Variants in DHX9 observed in about 807,000 individuals in gnomAD.
DHX9 encodes ATP-dependent RNA helicase A.
DHX9 carries 27 observed loss-of-function variants against 148.7 expected under a neutral mutation model. That is an observed-to-expected ratio of 0.18 (90% CI 0.13 to 0.25). The LOEUF is 0.25. Ranked by LOEUF, DHX9 falls within the 10% of genes least tolerant of loss-of-function variation. The pLI is 1.00. For missense variants in DHX9, 796 were observed against 1,559.6 expected (o/e 0.51, Z 8.25); for synonymous variants, 529 against 516.6 (o/e 1.02, Z -0.33).
At chr1:182,841,946 TTATTA>T (rs1390125931) in intron 1 of DHX9, among the ~76,000 whole-genome samples, 1 of 152,232 alleles carries the variant, frequency 6.6e-6, no homozygotes, top group African/African-American at 2.4e-5. Flanking sequence ...TATTTGAACT[TTATTA>T]TATTATTAAT....
At chr1:182,876,971 G>C (rs2102616370) in intron 19 of DHX9, 68 bp downstream of exon 19, 1 of 1,158,654 alleles carries the variant, frequency 8.6e-7, no homozygotes, top group Non-Finnish European at 1.3e-6. Context: ...CCAGTTAACA[G>C]AATCAAAAAC....
chr1:182,880,600 T>C lies in DHX9; in HGVS notation c.2616T>C (p.Cys872=), dbSNP rs751995666. ...PRFGKMMIMG[C]IFYVGDAICT... ...TTGGCAAAATGATGATAATGGGGTG[T>C]ATTTTCTAGTAAGTGCTTTGTTTTA... is the stretch of plus-strand genomic sequence containing the variant. The change falls in exon 22 of 28, where the codon TGT becomes TGC. Residue 872 remains cysteine (C), a synonymous_variant. Coordinates refer to ENST00000367549, the MANE Select transcript of DHX9 (RefSeq NM_001357.5). The C allele has an allele frequency of 2.3e-5, 37 of 1,601,324 alleles. No homozygotes were observed. The highest frequency in any genetic ancestry group is 3.1e-5 in the Non-Finnish European group (36 of 1,168,850).
At chr1:182,866,717 C>T (rs1419878890) in intron 13 of DHX9, 132 bp downstream of exon 13, 1 of 1,161,358 alleles carries the variant, frequency 8.6e-7, no homozygotes, top group Non-Finnish European at 1.2e-6. Flanking sequence ...AAACTTTTGG[C>T]AGTTTTTTCC....
At chr1:182,879,142 G>A in intron 20 of DHX9, 108 bp from the exon 21 acceptor site, 2 of 867,100 alleles carry the variant, frequency 2.3e-6, no homozygotes, top group East Asian at 5.5e-5. Flanking sequence ...TAAAATAAAA[G>A]GATGAGGAAA....
At position 182,876,435 on chromosome 1, in the gene DHX9, A is replaced by G. The variant is rs1309575610; in HGVS notation, c.2030-12A>G. On this transcript the variant is annotated splice_polypyrimidine_tract_variant and intron_variant, in intron 17 of 27. Transcript: ENST00000367549. ...TGTTTTTAGTCCCTGATTGTTCTTT[A>G]TTGTTATATAGGAAGCCATCGGTAT... The G allele has an allele frequency of 1.2e-6, 2 of 1,610,448 alleles. No homozygotes were observed. The highest frequency in any genetic ancestry group is 1.7e-6 in the Non-Finnish European group (2 of 1,177,088).
intron 1 of DHX9, among the ~76,000 whole-genome samples, chr1:182,841,098 T>C (rs1667918797): frequency 6.6e-6 from 1 of 152,230 alleles, no homozygotes; most frequent in South Asian, 2.1e-4. Flanking sequence ...AAGACCATCC[T>C]GGCCAACACG....
At chr1:182,854,696 C>T (rs1012675977) in intron 6 of DHX9, among the ~76,000 whole-genome samples, 29 of 152,076 alleles carry the variant, frequency 1.9e-4, no homozygotes, top group Non-Finnish European at 4.1e-4. Context: ...ATCGTAAGGT[C>T]GAAAAGGAAC....
Position 182,887,070 on chromosome 1 carries a change from G to A in DHX9, c.3462-13G>A. The A allele has an allele frequency of 1.2e-6, 2 of 1,608,402 alleles. No individual in the cohort carries two copies. Among genetic ancestry groups the A allele is most frequent in the Non-Finnish European group, 8.5e-7 (1 of 1,175,070 alleles). Reference sequence around the variant, plus strand: ...AATGCTTTGCTAAAGTGATGGTTTTGTGCTTTTCCTAGGTATGGAGATGGT... The same window carrying A: ...AATGCTTTGCTAAAGTGATGGTTTTATGCTTTTCCTAGGTATGGAGATGGT... On this transcript the variant is annotated splice_polypyrimidine_tract_variant and intron_variant, in intron 27 of 27. Transcript: ENST00000367549.
At chr1:182,851,766 C>G (rs1426455141) in intron 3 of DHX9, among the ~76,000 whole-genome samples, 1 of 152,052 alleles carries the variant, frequency 6.6e-6, no homozygotes, top group Non-Finnish European at 1.5e-5. Context: ...TACTAATGAT[C>G]TTATAAGAGA....
chr1:182,846,315 G>A (rs917040577), intron 3 of DHX9, among the ~76,000 whole-genome samples: 1 of 150,018 alleles, frequency 6.7e-6, no homozygotes, highest in African/African-American at 2.5e-5. Flanking sequence ...TCGGCTCACC[G>A]CCACCTTTGC....
At chr1:182,840,159 C>G (rs943785679) in intron 1 of DHX9, among the ~76,000 whole-genome samples, 1 of 152,076 alleles carries the variant, frequency 6.6e-6, no homozygotes, top group Non-Finnish European at 1.5e-5. Flanking sequence ...GACAATATTT[C>G]ACTAGCCCGG....
intron 3 of DHX9, among the ~76,000 whole-genome samples, chr1:182,846,768 T>G (rs778998323): frequency 6.6e-6 from 1 of 152,186 alleles, no homozygotes; most frequent in African/African-American, 2.4e-5. Context: ...ATCCATAGAT[T>G]TATGTATTTC....
chr1:182,851,711 C>T (rs1160611357), intron 3 of DHX9, among the ~76,000 whole-genome samples: 2 of 152,086 alleles, frequency 1.3e-5, no homozygotes, highest in African/African-American at 2.4e-5. Flanking sequence ...TATGTAACAG[C>T]ACATCTGAGG....
chr1:182,850,477 C>G (rs995323068), intron 3 of DHX9, among the ~76,000 whole-genome samples: 1 of 151,824 alleles, frequency 6.6e-6, no homozygotes. Context: ...TGCCCGTAGT[C>G]CCATCTACTC....
intron 19 of DHX9, 103 bp from the exon 20 acceptor site, chr1:182,877,918 A>G (rs1648889036): frequency 2.0e-5 from 26 of 1,283,556 alleles, no homozygotes; most frequent in Non-Finnish European, 2.5e-5. Flanking sequence ...ACAAGTAGGT[A>G]TGGCTTTAAC....
chr1:182,860,007 A>T lies in DHX9; in HGVS notation c.1155A>T (p.Arg385Ser). 5 of 1,611,528 alleles carry T rather than the reference A, an allele frequency of 3.1e-6. No homozygotes were observed. The highest frequency in any genetic ancestry group is 3.4e-6 in the Non-Finnish European group (4 of 1,178,824). Residue 385 changes from arginine (R) to serine (S), a missense_variant, in exon 12 of 28, where the codon AGA (arginine) becomes AGT (serine). By Grantham distance (110) the Arg-to-Ser change is moderately radical. Transcript: ENST00000367549. ...DHDLQAILQE[R>S]ELLPVKKFES... Reference sequence around the variant, plus strand: ...TTCTAATGCAGATCTTGCAGGAGAGAGAGTTACTGCCTGTGAAGAAATTTG... The same window carrying T: ...TTCTAATGCAGATCTTGCAGGAGAGTGAGTTACTGCCTGTGAAGAAATTTG...
chr1:182,851,675 C>T (rs756725064), intron 3 of DHX9, among the ~76,000 whole-genome samples: 18 of 152,120 alleles, frequency 1.2e-4, no homozygotes, highest in Non-Finnish European at 2.4e-4. Flanking sequence ...TCAGAATTTT[C>T]CTTAGTTTAG....
At chr1:182,845,904 AGGAAC>A (rs1179542876) in intron 3 of DHX9, among the ~76,000 whole-genome samples, 4 of 152,212 alleles carry the variant, frequency 2.6e-5, no homozygotes, top group African/African-American at 9.6e-5. Flanking sequence ...ACCATTCTTC[AGGAAC>A]CTCCACCTGT....
intron 3 of DHX9, among the ~76,000 whole-genome samples, chr1:182,849,981 T>TAC (rs1668103876): frequency 1.0e-5 from 1 of 96,658 alleles, no homozygotes; most frequent in African/African-American, 4.1e-5. Context: ...TGTACACACG[T>TAC]ACCCCCCCCC....
Sources: allele counts gnomAD v4.1 joint callset (sites outside exome capture counted in the v4.1 genomes callset), GRCh38; gene constraint gnomAD v4.1.1; transcripts MANE v1.5; gene names NCBI Gene and HGNC (gene_info 2026-07-23, HGNC 2026-07-21).